The following CACUL1 variants were observed in gnomAD, a reference collection of about 807,000 sequenced individuals.
CACUL1 encodes CDK2 associated cullin domain 1.
CACUL1 carries 13 observed loss-of-function variants against 45.2 expected under a neutral mutation model. That is an observed-to-expected ratio of 0.29 (90% CI 0.19 to 0.46). The LOEUF (loss-of-function observed/expected upper bound fraction) is 0.46. Among genes scored for constraint, CACUL1 ranks in the 20% least tolerant of loss-of-function variants. The pLI is 1.00. For synonymous variants in CACUL1, 197 were observed against 174.2 expected (o/e 1.13, Z -1.03); for missense variants, 421 against 471.4 (o/e 0.89, Z 0.99).
chr10:118,691,147 C>T, intron 7 of CACUL1, 118 bp downstream of exon 7: 1 of 833,516 alleles, frequency 1.2e-6, no homozygotes, highest in Admixed American at 2.3e-5. Context: ...CTTGCAGCAG[C>T]AAGACTCTTG....
At chr10:118,740,185 A>C (rs1181840677) in intron 1 of CACUL1, among the ~76,000 whole-genome samples, 1 of 152,046 alleles carries the variant, frequency 6.6e-6, no homozygotes, top group Non-Finnish European at 1.5e-5. Context: ...AAGTTCAACA[A>C]AAATTCTGCC....
intron 7 of CACUL1, among the ~76,000 whole-genome samples, chr10:118,687,739 A>G (rs1845222307): frequency 6.6e-6 from 1 of 152,282 alleles, no homozygotes; most frequent in Non-Finnish European, 1.5e-5. Context: ...GTTCACTATA[A>G]GTCAGCCATC....
At chr10:118,691,784 G>A (rs1845271046) in intron 6 of CACUL1, among the ~76,000 whole-genome samples, 1 of 146,820 alleles carries the variant, frequency 6.8e-6, no homozygotes, top group African/African-American at 2.6e-5. Flanking sequence ...GGAGAATGGC[G>A]TGAACCTGGG....
At chr10:118,725,688 GAAGTA>G (rs748904638) in intron 3 of CACUL1, among the ~76,000 whole-genome samples, 45 of 152,238 alleles carry the variant, frequency 3.0e-4, no homozygotes, top group South Asian at 1.2e-3. Context: ...TAAAGTGCCT[GAAGTA>G]AAGTAATTTT....
rs565698326 is a variant in CACUL1, at chr10:118,704,492, C to G, written c.693+3000G>C. Among the ~76,000 whole-genome samples, 20 of 152,310 alleles carry G rather than the reference C, an allele frequency of 1.3e-4. 1 individual carries two copies. The South Asian group carries it at 3.9e-3, about 30-fold the overall frequency. ...TGAAAGCCCACCTCCAGGCCCAAGA[C>G]AGTTTAAAGCCTGAAAGCCAAGCTA... On this transcript the variant is annotated intron_variant, in intron 4 of 8. Transcript: ENST00000369151.
chr10:118,726,132 G>A, intron 3 of CACUL1: 1 of 289,492 alleles, frequency 3.5e-6, no homozygotes, highest in Non-Finnish European at 6.8e-6. Flanking sequence ...CAAACAAAAT[G>A]CTCCATCCAA....
intron 3 of CACUL1, among the ~76,000 whole-genome samples, chr10:118,723,704 T>C (rs868000176): frequency 5.3e-5 from 8 of 152,196 alleles, no homozygotes; most frequent in African/African-American, 1.7e-4. Context: ...ATGCCTAGGA[T>C]AATGGTATCT....
At chr10:118,741,168 C>T (rs1431510302) in intron 1 of CACUL1, among the ~76,000 whole-genome samples, 2 of 151,914 alleles carry the variant, frequency 1.3e-5, no homozygotes, top group Non-Finnish European at 2.9e-5. Context: ...GGGAAAGGAA[C>T]CACTGATTTT....
At chr10:118,722,416 C>T (rs761342271) in intron 3 of CACUL1, among the ~76,000 whole-genome samples, 2 of 152,004 alleles carry the variant, frequency 1.3e-5, no homozygotes, top group Non-Finnish European at 2.9e-5. Flanking sequence ...AACTGCATGC[C>T]TTTCTGAGTA....
intron 3 of CACUL1, among the ~76,000 whole-genome samples, chr10:118,723,815 G>A (rs896295900): frequency 1.4e-4 from 21 of 151,820 alleles, no homozygotes; most frequent in Non-Finnish European, 2.6e-4. Flanking sequence ...TCGCTCTGTC[G>A]CTCAGGCTGG....
chr10:118,737,135 A>G lies in CACUL1; in HGVS notation c.368-6725T>C, dbSNP rs560275400. On this transcript the variant is annotated intron_variant, in intron 1 of 8. Transcript: ENST00000369151. Reference sequence around the variant, plus strand: ...ACATATCTGTTCCTTATTAGGAGGGAAAAAAAAAAAAAAAAACCTGTATCA... The same window carrying G: ...ACATATCTGTTCCTTATTAGGAGGGGAAAAAAAAAAAAAAAACCTGTATCA... Among the ~76,000 whole-genome samples the G allele has an allele frequency of 5.1e-3, 631 of 123,098 alleles. 7 individuals carry two copies. The highest frequency in any genetic ancestry group is 0.018 in the African/African-American group (587 of 33,146). 80.8% of individuals were successfully genotyped at this position (123,098 alleles called of 152,430 possible).
rs965230114 is a variant in CACUL1, at chr10:118,684,481, T to G, written c.*1647A>C. ...TGTTCTTACAGTAATTCAGTGTTCA[T>G]CGATGCAATCCAGGATGCTCACAGA... On this transcript the variant is annotated 3_prime_UTR_variant, in exon 9 of 9. Coordinates refer to ENST00000369151, the MANE Select transcript of CACUL1 (RefSeq NM_153810.5). The G allele has an allele frequency of 7.2e-5, 11 of 152,250 alleles. No individual in the cohort carries two copies. Among genetic ancestry groups the G allele is most frequent in the Non-Finnish European group, 2.9e-5 (2 of 68,046 alleles). 9.4% of individuals were successfully genotyped at this position (152,250 alleles called of 1,614,324 possible).
At position 118,728,139 on chromosome 10, in the gene CACUL1, C is replaced by A. The variant is rs80237340; in HGVS notation, c.597+1156G>T. 3.3e-3 allele frequency among the ~76,000 whole-genome samples: 502 copies of A among 152,172 alleles called. 1 individual carries two copies. Among genetic ancestry groups the A allele is most frequent in the African/African-American group, 0.012 (490 of 41,496 alleles). ...AACAAAATGCTACTTAGTGCAACAA[C>A]TGTTTGGGGAAAAAAAACACAAAAA... On this transcript the variant is annotated intron_variant, in intron 3 of 8. Coordinates refer to ENST00000369151, the MANE Select transcript of CACUL1 (RefSeq NM_153810.5).
chr10:118,744,445 G>A (rs1040865061), intron 1 of CACUL1, among the ~76,000 whole-genome samples: 5 of 152,154 alleles, frequency 3.3e-5, no homozygotes, highest in African/African-American at 1.2e-4. Flanking sequence ...AACCCAGAGA[G>A]ACAGAAAGCA....
chr10:118,699,894 G>A (rs956677304), intron 5 of CACUL1, among the ~76,000 whole-genome samples: 4 of 151,270 alleles, frequency 2.6e-5, no homozygotes, highest in Non-Finnish European at 5.9e-5. Flanking sequence ...GTGATCCGCC[G>A]GCCTCAGCCT....
chr10:118,685,146 G>GACTT lies in CACUL1; in HGVS notation c.*978_*981dup, dbSNP rs1332934159. On this transcript the variant is annotated 3_prime_UTR_variant, in exon 9 of 9. Transcript: ENST00000369151. Reference sequence around the variant, plus strand: ...GGAACCCCACACCACTGTGTATTTGGACTTAATAACTGTATCTGCTTCCTA... The same window carrying GACTT: ...GGAACCCCACACCACTGTGTATTTGGACTTACTTAATAACTGTATCTGCTTCCTA... 6.6e-6 allele frequency: 1 copy of GACTT among 152,152 alleles called. No individual in the cohort carries two copies. The highest frequency in any genetic ancestry group is 6.5e-5 in the Admixed American group (1 of 15,270). The allele number at this position is 152,152 out of a possible 1,614,324, so 9.4% of individuals were successfully genotyped here. A position where few individuals can be genotyped will look rare whatever the true frequency, so the allele number is the denominator to read the frequency against.
rs551422933 is a variant in CACUL1 at position 118,679,761 on chromosome 10, C to G, written c.*6367G>C. 1 of 152,124 alleles carries G rather than the reference C, an allele frequency of 6.6e-6. No individual in the cohort carries two copies. The highest frequency in any genetic ancestry group is 1.5e-5 in the Non-Finnish European group (1 of 68,058). The allele number at this position is 152,124 out of a possible 1,614,324, so 9.4% of individuals were successfully genotyped here. ...CTTGAACTCCTGACCTCAAATGATA[C>G]GCCCACCTCAGCCTCCCAAAGGGCT... On this transcript the variant is annotated 3_prime_UTR_variant, in exon 9 of 9. Transcript: ENST00000369151.
chr10:118,688,751 A>AG (rs1254842598), intron 7 of CACUL1, among the ~76,000 whole-genome samples: 2 of 152,192 alleles, frequency 1.3e-5, no homozygotes, highest in Non-Finnish European at 2.9e-5. Context: ...TCAATTATGT[A>AG]GGTAAGAGAT....
At chr10:118,723,097 A>ACATT (rs113849938) in intron 3 of CACUL1, among the ~76,000 whole-genome samples, 7,372 of 152,246 alleles carry the variant, frequency 0.048, 570 homozygotes, top group African/African-American at 0.17. Flanking sequence ...TTTTTAATGT[A>ACATT]GTGCTTAGTC....
Sources: allele counts gnomAD v4.1 joint callset (sites outside exome capture counted in the v4.1 genomes callset), GRCh38; gene constraint gnomAD v4.1.1; transcripts MANE v1.5; gene names NCBI Gene and HGNC (gene_info 2026-07-23, HGNC 2026-07-21).